GRM8: variants seen among roughly 807,000 people sequenced by gnomAD.
The protein encoded by GRM8 is metabotropic glutamate receptor 8.
Under a neutral mutation model 87.2 loss-of-function variants are expected in GRM8, and 47 were observed. The observed-to-expected ratio is 0.54, with a 90% CI of 0.43 to 0.69. GRM8 has a LOEUF of 0.69. Among genes scored for constraint, GRM8 ranks in the 30% least tolerant of loss-of-function variants. GRM8 has a pLI of 0.00. For missense variants in GRM8, 1,019 were observed against 1,139.2 expected (o/e 0.89, Z 1.52); for synonymous variants, 396 against 404.5 (o/e 0.98, Z 0.25).
chr7:126,484,864 T>C (rs951026963), intron 9 of GRM8, among the ~76,000 whole-genome samples: 2 of 147,904 alleles, frequency 1.4e-5, no homozygotes, highest in Non-Finnish European at 3.0e-5. Context: ...AGCATGGATC[T>C]ATCGTTAAAC....
chr7:127,213,297 A>G (rs1465091094), intron 2 of GRM8, among the ~76,000 whole-genome samples: 2 of 152,332 alleles, frequency 1.3e-5, no homozygotes, highest in East Asian at 3.9e-4. Context: ...GTGGCTTCTG[A>G]GCACTTGACA....
At chr7:127,082,670 T>C (rs1225701481) in intron 3 of GRM8, among the ~76,000 whole-genome samples, 3 of 152,214 alleles carry the variant, frequency 2.0e-5, no homozygotes, top group African/African-American at 7.2e-5. Context: ...TTATTAGTCA[T>C]TAACACTACT....
chr7:126,630,807 A>C (rs893827714), intron 7 of GRM8, among the ~76,000 whole-genome samples: 1 of 152,200 alleles, frequency 6.6e-6, no homozygotes, highest in Non-Finnish European at 1.5e-5. Flanking sequence ...GGATGCAGAA[A>C]AGGCCTTTGA....
chr7:126,743,786 G>A (rs542175773), intron 7 of GRM8, among the ~76,000 whole-genome samples: 1 of 152,162 alleles, frequency 6.6e-6, no homozygotes, highest in South Asian at 2.1e-4. Flanking sequence ...GTAGTCCACA[G>A]ATCCCTAGGG....
rs867674526 is a variant in GRM8, at chr7:127,250,129, G to T, written c.-312+2668C>A. 2.6e-5 allele frequency among the ~76,000 whole-genome samples: 4 copies of T among 152,202 alleles called. No individual in the cohort carries two copies. In the South Asian group the frequency reaches 8.3e-4, roughly 31 times the overall value. ...AGACAATGGAACATTCATACACAAA[G>T]ATTGGCACGCAATTGCCAATGTGAA... is the stretch of plus-strand genomic sequence containing the variant. On this transcript the variant is annotated intron_variant, in intron 1 of 10. Coordinates refer to ENST00000339582, the MANE Select transcript of GRM8 (RefSeq NM_000845.3).
intron 3 of GRM8, chr7:127,084,769 A>T (rs1488737270): frequency 2.0e-5 from 3 of 152,206 alleles, no homozygotes; most frequent in Non-Finnish European, 4.4e-5. Context: ...GTGTCAGTGC[A>T]GGAGTCACTG....
At chr7:126,967,091 AC>A (rs1187413023) in intron 3 of GRM8, among the ~76,000 whole-genome samples, 1 of 152,124 alleles carries the variant, frequency 6.6e-6, no homozygotes, top group Admixed American at 6.5e-5. Flanking sequence ...CCATAACATA[AC>A]CTATATTAGG....
chr7:127,106,692 T>G lies in GRM8; in HGVS notation c.531A>C (p.Ala177=). 1 of 1,612,630 alleles carries G rather than the reference T, an allele frequency of 6.2e-7. No homozygotes were observed. Among genetic ancestry groups the G allele is most frequent in the Non-Finnish European group, 8.5e-7 (1 of 1,178,716 alleles). The change falls in exon 3 of 11, where the codon GCA becomes GCC. Residue 177 remains alanine, a synonymous_variant. Transcript: ENST00000339582. ...TATCACTTAGCTCTGGGGCTGTGGA[T>G]GCATAGCTGATTTGAGGTATCTGCA... ...RLFKIPQISY[A]STAPELSDNT...
intron 7 of GRM8, among the ~76,000 whole-genome samples, chr7:126,746,910 C>T (rs1347250958): frequency 6.6e-6 from 1 of 151,334 alleles, no homozygotes; most frequent in Non-Finnish European, 1.5e-5. Context: ...TTTATAATGA[C>T]TGAATATAAA....
intron 9 of GRM8, among the ~76,000 whole-genome samples, chr7:126,480,293 A>C (rs1806515385): frequency 6.6e-6 from 1 of 152,120 alleles, no homozygotes; most frequent in Admixed American, 6.6e-5. Flanking sequence ...GTGAAGCACA[A>C]GAATTGTGCT....
intron 9 of GRM8, among the ~76,000 whole-genome samples, chr7:126,469,861 CAACTGTGG>C (rs763456523): frequency 8.5e-5 from 13 of 152,050 alleles, no homozygotes; most frequent in Non-Finnish European, 1.3e-4. Flanking sequence ...AATGTGGAAA[CAACTGTGG>C]AACTGTGGAA....
chr7:126,669,460 T>C (rs1363551835), intron 7 of GRM8, among the ~76,000 whole-genome samples: 2 of 152,206 alleles, frequency 1.3e-5, no homozygotes, highest in African/African-American at 2.4e-5. Flanking sequence ...TTTCAGTTCA[T>C]GTGACTTTAA....
intron 7 of GRM8, among the ~76,000 whole-genome samples, chr7:126,716,244 T>G (rs1161762628): frequency 2.0e-5 from 3 of 152,044 alleles, no homozygotes; most frequent in Admixed American, 2.0e-4. Context: ...TTTCCTTACA[T>G]ATAGTCAGGG....
chr7:126,837,203 T>C (rs1795888815), intron 6 of GRM8, among the ~76,000 whole-genome samples: 1 of 152,210 alleles, frequency 6.6e-6, no homozygotes, highest in Non-Finnish European at 1.5e-5. Flanking sequence ...AGGAATATTA[T>C]AGACAATGAA....
In GRM8 at chr7:126,492,522, T is replaced by C. The variant is rs112066064; in HGVS notation, c.2430+40430A>G. ...CAAGGGCATGGTCACAGGGTGATTG[T>C]TAAAGCTGGCCTCCATCTCAGGTTT... is the stretch of plus-strand genomic sequence containing the variant. On this transcript the variant is annotated intron_variant, in intron 9 of 10. Transcript: ENST00000339582. Among the ~76,000 whole-genome samples, 150 of 152,196 alleles carry C rather than the reference T, an allele frequency of 9.9e-4. 1 individual carries two copies. Among genetic ancestry groups the C allele is most frequent in the African/African-American group, 3.3e-3 (139 of 41,550 alleles).
intron 2 of GRM8, among the ~76,000 whole-genome samples, chr7:127,119,410 C>T (rs1286107811): frequency 2.0e-5 from 3 of 151,984 alleles, no homozygotes; most frequent in African/African-American, 4.8e-5. Flanking sequence ...CACTTGAACC[C>T]GGGAGACAGA....
At chr7:126,955,426 G>A (rs558124361) in intron 3 of GRM8, among the ~76,000 whole-genome samples, 450 of 152,158 alleles carry the variant, frequency 3.0e-3, no homozygotes, top group Non-Finnish European at 4.9e-3. Flanking sequence ...TGTTTGAATC[G>A]CTATCAACTC....
intron 7 of GRM8, among the ~76,000 whole-genome samples, chr7:126,648,084 A>C (rs1164853425): frequency 6.6e-6 from 1 of 151,906 alleles, no homozygotes; most frequent in African/African-American, 2.4e-5. Context: ...CCTCCTTAAA[A>C]CCGATAGGCT....
At chr7:126,911,605 A>G (rs1457040408) in intron 3 of GRM8, among the ~76,000 whole-genome samples, 2 of 152,136 alleles carry the variant, frequency 1.3e-5, no homozygotes, top group Non-Finnish European at 2.9e-5. Context: ...CTAGAAGCAA[A>G]CCTCAGAAGG....
Sources: allele counts gnomAD v4.1 joint callset (sites outside exome capture counted in the v4.1 genomes callset), GRCh38; gene constraint gnomAD v4.1.1; transcripts MANE v1.5; gene names NCBI Gene and HGNC (gene_info 2026-07-23, HGNC 2026-07-21).